MYLK3: variants seen among roughly 807,000 people sequenced by gnomAD.
MYLK3 encodes myosin light chain kinase 3, also known as MLC kinase.
Under a neutral mutation model 76.3 loss-of-function variants are expected in MYLK3, and 55 were observed. The ratio of observed to expected loss-of-function variants is 0.72; its 90% CI spans 0.58 to 0.90. The LOEUF is 0.90. MYLK3 is among the 40% of genes least tolerant of loss of function. The pLI, the probability that MYLK3 is intolerant of heterozygous loss-of-function variation, is 0.00. For synonymous variants in MYLK3, 416 were observed against 425.4 expected, an observed-to-expected ratio of 0.98 and a Z score of 0.27; for missense variants, 973 against 1,053.6, an observed-to-expected ratio of 0.92 and a Z score of 1.06.
intron 1 of MYLK3, among the ~76,000 whole-genome samples, chr16:46,741,984 C>T (rs1966939285): frequency 6.6e-6 from 1 of 151,988 alleles, no homozygotes; most frequent in African/African-American, 2.4e-5. Flanking sequence ...CACTTTGTTA[C>T]CCAGGTTTAA....
chr16:46,712,739 T>G lies in MYLK3; in HGVS notation c.2023A>C (p.Thr675Pro). 1 of 1,599,064 alleles carries G rather than the reference T, an allele frequency of 6.3e-7. No individual in the cohort carries two copies. Among genetic ancestry groups the G allele is most frequent in the Non-Finnish European group, 8.5e-7 (1 of 1,172,650 alleles). ...ACTTCTGGGGCCAGGAACTCAGGAG[T>G]GCCGAAGTTCACCTTCAGCTTCTCT... ...PREKLKVNFGTPEFLAPEVVN... is the reference protein window; with the variant it reads ...PREKLKVNFGPPEFLAPEVVN... The change falls in exon 10 of 13, where the codon ACT (threonine) becomes CCT (proline). Residue 675 changes from threonine to proline, a missense_variant. Physicochemically the swap from Thr to Pro is conservative, Grantham distance 38. This residue lies in a region of MYLK3 where 332 missense variants were observed against 416.6 expected (regional missense o/e 0.80). Coordinates refer to ENST00000394809, the MANE Select transcript of MYLK3 (RefSeq NM_182493.3).
chr16:46,758,300 ACACACTCTCTCTCTCTCTCTCTCTCTCT>A (rs1170882068), intron 1 of MYLK3, among the ~76,000 whole-genome samples: 7 of 51,332 alleles, frequency 1.4e-4, no homozygotes, highest in African/African-American at 6.1e-4. Flanking sequence ...ACACACACAC[ACACACTCTCTCTCTCTCTCTCTCTCTCT>A]CTCTCTCTCT....
intron 1 of MYLK3, among the ~76,000 whole-genome samples, chr16:46,760,291 G>A (rs1018687285): frequency 6.6e-5 from 10 of 152,196 alleles, no homozygotes; most frequent in Non-Finnish European, 1.3e-4. Flanking sequence ...ACAAACACAC[G>A]CGCAGCTTTG....
intron 8 of MYLK3, 110 bp from the exon 9 acceptor site, chr16:46,721,303 C>G: frequency 1.1e-6 from 1 of 890,226 alleles, no homozygotes; most frequent in Non-Finnish European, 1.8e-6. Context: ...ATGAATGGCT[C>G]AGGGCAGCCC....
intron 9 of MYLK3, among the ~76,000 whole-genome samples, chr16:46,720,546 G>T (rs1025323056): frequency 6.6e-6 from 1 of 152,056 alleles, no homozygotes; most frequent in African/African-American, 2.4e-5. Context: ...CTAACCTCCT[G>T]GATAGGATGG....
intron 5 of MYLK3, 28 bp downstream of exon 5, chr16:46,730,565 C>A (rs780181089): frequency 1.8e-4 from 288 of 1,592,030 alleles, no homozygotes; most frequent in Non-Finnish European, 2.3e-4. Context: ...TGCTCTAAGC[C>A]CCCCAACCAA....
intron 10 of MYLK3, among the ~76,000 whole-genome samples, chr16:46,712,042 A>G (rs1201715854): frequency 4.8e-5 from 7 of 145,134 alleles, no homozygotes. Context: ...TCAGGCTGGA[A>G]TGCAATGGCA....
chr16:46,753,981 A>G (rs550687223), intron 1 of MYLK3, among the ~76,000 whole-genome samples: 7 of 152,376 alleles, frequency 4.6e-5, no homozygotes, highest in Non-Finnish European at 1.0e-4. Context: ...CATTCTTTAA[A>G]AAAGGAGAGG....
intron 7 of MYLK3, 125 bp from the exon 8 acceptor site, chr16:46,727,502 G>A: frequency 9.6e-7 from 1 of 1,041,138 alleles, no homozygotes; most frequent in Non-Finnish European, 1.3e-6. Flanking sequence ...ATGGGTCACA[G>A]GGCTGCTGCC....
In MYLK3 at chr16:46,727,183, G is replaced by A. The variant is rs536635846; in HGVS notation, c.1914+53C>T. ...ATAGAGCTCTCAATGGTGAGAGCAC[G>A]CCAGGAGCTAGGACACCAGGGGCCC... On this transcript the variant is annotated intron_variant, in intron 8 of 12. Transcript: ENST00000394809. 183 of 1,586,926 alleles carry A rather than the reference G, an allele frequency of 1.2e-4. No homozygotes were observed. The African/African-American group carries it at 1.3e-3, about 11-fold the overall frequency.
Position 46,718,547 on chromosome 16 carries a change from G to A in MYLK3, c.1985+2576C>T, listed in dbSNP as rs1966768171. 2.0e-5 allele frequency among the ~76,000 whole-genome samples: 3 copies of A among 152,216 alleles called. No individual in the cohort carries two copies. The South Asian group carries it at 6.2e-4, about 32-fold the overall frequency. On this transcript the variant is annotated intron_variant, in intron 9 of 12. Coordinates refer to ENST00000394809, the MANE Select transcript of MYLK3 (RefSeq NM_182493.3). Reference sequence around the variant, plus strand: ...GGTGCTGCTTGGGAGGCAGGTGCTGGAAGGCAGAGCTGAGCTCAGGCGCGC... The same window carrying A: ...GGTGCTGCTTGGGAGGCAGGTGCTGAAAGGCAGAGCTGAGCTCAGGCGCGC...
At position 46,709,587 on chromosome 16, in the gene MYLK3, G is replaced by C; in HGVS notation, c.2352C>G (p.Leu784=). 6.2e-7 allele frequency: 1 copy of C among 1,614,168 alleles called. No individual in the cohort carries two copies. The highest frequency in any genetic ancestry group is 8.5e-7 in the Non-Finnish European group (1 of 1,180,040). The change falls in exon 12 of 13, where the codon CTC becomes CTG. Residue 784 remains leucine (L), a synonymous_variant. Transcript: ENST00000394809. ...ATTTCTGCAGCAGTAGTTGGGATTTGAGACGAGTTTTGGATCTTGAAGCTT... is the reference window on the plus strand; with the variant it reads ...ATTTCTGCAGCAGTAGTTGGGATTTCAGACGAGTTTTGGATCTTGAAGCTT... The part of the protein sequence containing the change: ...PAKASRSKTR[L]KSQLLLQKYI...
chr16:46,756,744 A>G (rs1172179604), intron 1 of MYLK3, among the ~76,000 whole-genome samples: 1 of 152,214 alleles, frequency 6.6e-6, no homozygotes, highest in Non-Finnish European at 1.5e-5. Flanking sequence ...CTCTGTGAAC[A>G]CAGGTTTCCT....
intron 1 of MYLK3, among the ~76,000 whole-genome samples, chr16:46,754,332 C>T (rs186273648): frequency 4.6e-5 from 7 of 151,956 alleles, no homozygotes. Context: ...AAAACACATA[C>T]TTGTGAGAAT....
chr16:46,763,125 C>T (rs555026052), exon 1 of MYLK3: 2 of 982,908 alleles, frequency 2.0e-6, no homozygotes, highest in East Asian at 1.1e-4. Context: ...TTGTTACCTC[C>T]ATCTTATACA....
intron 1 of MYLK3, among the ~76,000 whole-genome samples, chr16:46,761,722 G>A (rs1194194253): frequency 6.6e-6 from 1 of 152,016 alleles, no homozygotes; most frequent in Non-Finnish European, 1.5e-5. Context: ...GGAGGCTGAG[G>A]CAGGAGAATC....
intron 10 of MYLK3, 47 bp downstream of exon 10, chr16:46,712,601 C>T (rs1231116447): frequency 1.4e-6 from 2 of 1,383,676 alleles, no homozygotes; most frequent in East Asian, 2.7e-5. Flanking sequence ...CAAAGGAAGA[C>T]AAATGACCCC....
chr16:46,762,061 A>T (rs1967282777), intron 1 of MYLK3, among the ~76,000 whole-genome samples: 1 of 152,188 alleles, frequency 6.6e-6, no homozygotes, highest in Admixed American at 6.5e-5. Context: ...TCAAGGAACG[A>T]GTCTTTGAAA....
intron 9 of MYLK3, among the ~76,000 whole-genome samples, chr16:46,715,143 A>G (rs1033174329): frequency 3.9e-5 from 6 of 152,194 alleles, no homozygotes; most frequent in Non-Finnish European, 8.8e-5. Context: ...GAGTCTGAAT[A>G]TTTAGTATCT....
Sources: allele counts gnomAD v4.1 joint callset (sites outside exome capture counted in the v4.1 genomes callset), GRCh38; gene constraint gnomAD v4.1.1; regional missense constraint gnomAD v4.1.1; transcripts MANE v1.5; gene names NCBI Gene and HGNC (gene_info 2026-07-23, HGNC 2026-07-21).